The following P2RX2 variants were observed in gnomAD, a reference collection of about 807,000 sequenced individuals.
P2RX2 encodes the protein purinergic receptor P2X 2, also known as P2X purinoceptor 2.
In P2RX2, 50 loss-of-function variants were observed where a neutral mutation model predicts 54.8. That is an observed-to-expected ratio of 0.91 (90% CI 0.73 to 1.15). The LOEUF (loss-of-function observed/expected upper bound fraction) is 1.15, where lower values mean the gene tolerates loss of function less well. P2RX2 is among the 50% of genes most tolerant of loss of function. The pLI is 0.00. For missense variants in P2RX2, 658 were observed against 633.2 expected, an observed-to-expected ratio of 1.04 and a Z score of -0.42; for synonymous variants, 289 against 259.4, an observed-to-expected ratio of 1.11 and a Z score of -1.09.
At position 132,621,045 on chromosome 12, in the gene P2RX2, C is replaced by A. The variant is rs2041651782; in HGVS notation, c.819C>A (p.Asp273Glu). The change falls in exon 8 of 11, where the codon GAC (aspartate) becomes GAA (glutamate). Residue 273 changes from aspartate (D) to glutamate (E), a missense_variant. Transcript: ENST00000643471. ...GVIINWDCDL[D>E]LPASECNPKY... ...TTATCAACTGGGACTGTGACCTGGA[C>A]CTGCCTGCATCGGAGTGCAACCCCA... The A allele has an allele frequency of 6.2e-7, 1 of 1,614,146 alleles. No homozygotes were observed. The highest frequency in any genetic ancestry group is 8.5e-7 in the Non-Finnish European group (1 of 1,179,992).
rs201358466 is a variant in P2RX2, at chr12:132,620,435, G to A, written c.636-10G>A. 5.0e-5 allele frequency: 81 copies of A among 1,614,014 alleles called. No homozygotes were observed. The highest frequency in any genetic ancestry group is 7.6e-6 in the Non-Finnish European group (9 of 1,179,988). On this transcript the variant is annotated splice_polypyrimidine_tract_variant and intron_variant, in intron 6 of 10. Transcript: ENST00000643471. ...TGGGGTGCAGGTCTCGCCTCCTGCCGCCTCCTCAGGGGCAACATCGCCGAC... is the reference window on the plus strand; with the variant it reads ...TGGGGTGCAGGTCTCGCCTCCTGCCACCTCCTCAGGGGCAACATCGCCGAC...
chr12:132,620,690 G>C, intron 7 of P2RX2, 107 bp downstream of exon 7: 1 of 1,248,642 alleles, frequency 8.0e-7, no homozygotes, highest in Non-Finnish European at 1.1e-6. Context: ...AGCTGGCCCC[G>C]CTCAGGCAGA....
Position 132,621,078 on chromosome 12 carries a change from C to T in P2RX2, c.852C>T (p.Ser284=), listed in dbSNP as rs143810949. 2.5e-6 allele frequency: 4 copies of T among 1,614,190 alleles called. No homozygotes were observed. The South Asian group carries it at 4.4e-5, about 18-fold the overall frequency. Residue 284 remains serine (S), a synonymous_variant, in exon 8 of 11, where the codon TCC becomes TCT. Coordinates refer to ENST00000643471, the MANE Select transcript of P2RX2 (RefSeq NM_170682.4). The part of the protein sequence containing the change: ...LPASECNPKY[S]FRRLDPKHVP... ...CATCGGAGTGCAACCCCAAGTACTC[C>T]TTCCGGAGGCTTGACCCCAAGCACG...
intron 9 of P2RX2, 52 bp from the exon 10 acceptor site, chr12:132,621,423 A>C: frequency 6.3e-7 from 1 of 1,596,036 alleles, no homozygotes; most frequent in Non-Finnish European, 8.5e-7. Flanking sequence ...CCCTCCCTTA[A>C]GCCCCATCAG....
chr12:132,621,450 T>C, intron 9 of P2RX2, 25 bp from the exon 10 acceptor site: 1 of 1,574,960 alleles, frequency 6.3e-7, no homozygotes, highest in African/African-American at 1.3e-5. Context: ...TCAGACATTC[T>C]GACCACGACC....
rs760899409 is a variant in P2RX2 at position 132,621,478 on chromosome 12, G to A, written c.1000G>A (p.Gly334Arg). The A allele has an allele frequency of 1.3e-5, 21 of 1,564,556 alleles. No homozygotes were observed. The highest frequency in any genetic ancestry group is 1.2e-4 in the South Asian group (10 of 82,586). The change falls in exon 10 of 11, where the codon GGG becomes AGG. Residue 334 changes from glycine (G) to arginine (R), a missense_variant. Coordinates refer to ENST00000643471, the MANE Select transcript of P2RX2 (RefSeq NM_170682.4). ...CCACGACCCCCATTCTCCCCAGGCC[G>A]GGAAGTTCAGCCTGATTCCCACCAT... The part of the protein sequence containing the change: ...RIDVIVHGQA[G>R]KFSLIPTIIN...
At position 132,622,117 on chromosome 12, in the gene P2RX2, G is replaced by A; in HGVS notation, c.*145G>A. The A allele has an allele frequency of 6.7e-7, 1 of 1,492,826 alleles. No homozygotes were observed. The allele number at this position is 1,492,826 out of a possible 1,614,324, so 92.5% of individuals were successfully genotyped here. A position where few individuals can be genotyped will look rare whatever the true frequency, so the allele number is the denominator to read the frequency against. On this transcript the variant is annotated 3_prime_UTR_variant, in exon 11 of 11. Coordinates refer to ENST00000643471, the MANE Select transcript of P2RX2 (RefSeq NM_170682.4). The stretch of plus-strand genomic sequence containing the variant: ...CCACAGGATCCCTGTGCAAGGGCTG[G>A]GGGCACGCTCTGGCCCCAGGCTTGT...
intron 8 of P2RX2, 51 bp from the exon 9 acceptor site, chr12:132,621,204 G>A: frequency 3.1e-6 from 5 of 1,613,866 alleles, no homozygotes; most frequent in Non-Finnish European, 4.2e-6. Flanking sequence ...AATGCCTGTG[G>A]GGCAGCCCTG....
chr12:132,622,127 C>A lies in P2RX2; in HGVS notation c.*155C>A. Reference sequence around the variant, plus strand: ...CCTGTGCAAGGGCTGGGGGCACGCTCTGGCCCCAGGCTTGTGCCCCACCCT... The same window carrying A: ...CCTGTGCAAGGGCTGGGGGCACGCTATGGCCCCAGGCTTGTGCCCCACCCT... On this transcript the variant is annotated 3_prime_UTR_variant, in exon 11 of 11. Coordinates refer to ENST00000643471, the MANE Select transcript of P2RX2 (RefSeq NM_170682.4). The A allele has an allele frequency of 6.8e-7, 1 of 1,473,794 alleles. No homozygotes were observed. The highest frequency in any genetic ancestry group is 8.9e-7 in the Non-Finnish European group (1 of 1,120,684). 91.3% of individuals were successfully genotyped at this position (1,473,794 alleles called of 1,614,324 possible). A position where few individuals can be genotyped will look rare whatever the true frequency, so the allele number is the denominator to read the frequency against.
At chr12:132,619,954 G>GGC in intron 4 of P2RX2, 35 bp downstream of exon 4, 2 of 1,262,202 alleles carry the variant, frequency 1.6e-6, no homozygotes, top group Non-Finnish European at 2.3e-6. Context: ...GGCGGGTGGG[G>GGC]CAGGGCTGCG....
chr12:132,621,691 G>GA lies in P2RX2; in HGVS notation c.1136dup (p.Asp379GlufsTer12). On this transcript the variant is annotated frameshift_variant, in exon 11 of 11. Transcript: ENST00000643471. LOFTEE classifies it high-confidence loss of function. ...CAAGGTCTACAGCCATAAGAAATTT[G>GA]ACAAGGTGTGTACGCCGAGCCACCC... 1 of 1,613,776 alleles carries GA rather than the reference G, an allele frequency of 6.2e-7. No individual in the cohort carries two copies.
intron 7 of P2RX2, among the ~76,000 whole-genome samples, 160 bp from the exon 8 acceptor site, chr12:132,620,841 C>A (rs963546475): frequency 6.6e-6 from 1 of 151,990 alleles, no homozygotes; most frequent in African/African-American, 2.4e-5. Flanking sequence ...CCCATGGGCC[C>A]CTCAGTGCAC....
Position 132,620,348 on chromosome 12 carries a change from G to A in P2RX2, c.635+1G>A, listed in dbSNP as rs749171910. On this transcript the variant is annotated splice_donor_variant, in intron 6 of 10. Transcript: ENST00000643471. LOFTEE classifies it high-confidence loss of function. Reference sequence around the variant, plus strand: ...ACTACCCCAAATTCCACTTCTCCAAGTAAGAGCCGCGGGGTGTGGTGACGG... The same window carrying A: ...ACTACCCCAAATTCCACTTCTCCAAATAAGAGCCGCGGGGTGTGGTGACGG... 2 of 1,614,030 alleles carry A rather than the reference G, an allele frequency of 1.2e-6. No individual in the cohort carries two copies. The highest frequency in any genetic ancestry group is 2.2e-5 in the East Asian group (1 of 44,864).
At chr12:132,619,954 G>GGGGGGGGGGC in intron 4 of P2RX2, 35 bp downstream of exon 4, 1 of 1,262,206 alleles carries the variant, frequency 7.9e-7, no homozygotes, top group Non-Finnish European at 1.1e-6. Context: ...GGCGGGTGGG[G>GGGGGGGGGGC]CAGGGCTGCG....
chr12:132,620,904 C>G, intron 7 of P2RX2, 97 bp from the exon 8 acceptor site: 3 of 171,084 alleles, frequency 1.8e-5, no homozygotes, highest in Admixed American at 2.3e-4. Context: ...CTCTCGTGTG[C>G]CCTTGTGACC....
chr12:132,622,039 C>A lies in P2RX2; in HGVS notation c.*67C>A. On this transcript the variant is annotated 3_prime_UTR_variant, in exon 11 of 11. Transcript: ENST00000643471. ...GGCCAGAGAGTCCCCAGCTAGGGACCTGCACGTGGACGTGGGCACCTCAGT... is the reference window on the plus strand; with the variant it reads ...GGCCAGAGAGTCCCCAGCTAGGGACATGCACGTGGACGTGGGCACCTCAGT... The A allele has an allele frequency of 6.2e-7, 1 of 1,602,994 alleles. No individual in the cohort carries two copies. The highest frequency in any genetic ancestry group is 8.5e-7 in the Non-Finnish European group (1 of 1,175,508).
chr12:132,618,851 C>A lies in P2RX2; in HGVS notation c.35C>A (p.Ala12Glu), dbSNP rs772335034. 4.4e-6 allele frequency: 6 copies of A among 1,360,692 alleles called. No homozygotes were observed. The Middle Eastern group carries it at 8.4e-4, about 191-fold the overall frequency. The allele number at this position is 1,360,692 out of a possible 1,614,324, so 84.3% of individuals were successfully genotyped here. The change falls in exon 1 of 11, where the codon GCG (alanine) becomes GAG (glutamate). Residue 12 changes from alanine (A) to glutamate (E), a missense_variant. Physicochemically the swap from Ala to Glu is moderately radical, Grantham distance 107 (BLOSUM62 -1). Transcript: ENST00000643471. ...AAAQPKYPAG[A>E]TARRLARGCW... ...GCCCAGCCCAAGTACCCCGCCGGGG[C>A]GACCGCCCGGCGCCTGGCCCGGGGC...
rs1001134980 is a variant in P2RX2, at chr12:132,620,504, C to T, written c.695C>T (p.Ser232Phe). 7.4e-6 allele frequency: 12 copies of T among 1,613,944 alleles called. No homozygotes were observed. In the Admixed American group the frequency reaches 1.0e-4, roughly 13 times the overall value. The change falls in exon 7 of 11, where the codon TCC becomes TTC. Residue 232 changes from serine (S) to phenylalanine (F), a missense_variant. Coordinates refer to ENST00000643471, the MANE Select transcript of P2RX2 (RefSeq NM_170682.4). ...YLKRCTFHEA[S>F]DLYCPIFKLG... ...AAGCGCTGCACGTTCCACGAGGCCT[C>T]CGACCTCTACTGCCCCATCTTCAAG... is the stretch of plus-strand genomic sequence containing the variant.
chr12:132,622,152 T>C lies in P2RX2; in HGVS notation c.*180T>C, dbSNP rs2041728214. 6.9e-7 allele frequency: 1 copy of C among 1,443,626 alleles called. No homozygotes were observed. Among genetic ancestry groups the C allele is most frequent in the African/African-American group, 1.4e-5 (1 of 69,868 alleles). The allele number at this position is 1,443,626 out of a possible 1,614,324, so 89.4% of individuals were successfully genotyped here. On this transcript the variant is annotated 3_prime_UTR_variant, in exon 11 of 11. Coordinates refer to ENST00000643471, the MANE Select transcript of P2RX2 (RefSeq NM_170682.4). ...CTGGCCCCAGGCTTGTGCCCCACCCTGGCATACAGCCCCTGACACCTCCTC... is the reference window on the plus strand; with the variant it reads ...CTGGCCCCAGGCTTGTGCCCCACCCCGGCATACAGCCCCTGACACCTCCTC...
Sources: allele counts gnomAD v4.1 joint callset (sites outside exome capture counted in the v4.1 genomes callset), GRCh38; gene constraint gnomAD v4.1.1; transcripts MANE v1.5; gene names NCBI Gene and HGNC (gene_info 2026-07-23, HGNC 2026-07-21).